The following RNF216 variants were observed in gnomAD, a reference collection of about 807,000 sequenced individuals.
The protein encoded by RNF216 is E3 ubiquitin-protein ligase RNF216.
In RNF216, 72 loss-of-function variants were observed where a neutral mutation model predicts 110.8. The observed-to-expected ratio is 0.65, with a 90% confidence interval of 0.54 to 0.79. The LOEUF is 0.79. RNF216 is among the 30% of genes least tolerant of loss of function. The pLI, the probability that RNF216 is intolerant of heterozygous loss-of-function variation, is 0.00. For missense variants in RNF216, 1,342 were observed against 1,141.2 expected, an observed-to-expected ratio of 1.18 and a Z score of -2.54; for synonymous variants, 495 against 407.5, an observed-to-expected ratio of 1.21 and a Z score of -2.59.
chr7:5,623,276 G>T, intron 16 of RNF216, 97 bp from the exon 17 acceptor site: 1 of 1,091,188 alleles, frequency 9.2e-7, no homozygotes. Flanking sequence ...CACGGGAGTG[G>T]CTCCACATGC....
intron 4 of RNF216, among the ~76,000 whole-genome samples, chr7:5,740,648 C>G (rs941508469): frequency 6.6e-6 from 1 of 151,992 alleles, no homozygotes; most frequent in African/African-American, 2.4e-5. Context: ...CTAGGTAATT[C>G]AATAAAACTG....
At chr7:5,754,942 C>T (rs549855696) in intron 2 of RNF216, among the ~76,000 whole-genome samples, 2 of 151,456 alleles carry the variant, frequency 1.3e-5, no homozygotes, top group South Asian at 2.1e-4. Flanking sequence ...GCAGGAGAAT[C>T]GCTTTAACCT....
intron 15 of RNF216, among the ~76,000 whole-genome samples, chr7:5,627,390 T>C (rs781641078): frequency 7.2e-5 from 11 of 152,120 alleles, no homozygotes; most frequent in Non-Finnish European, 1.2e-4. Flanking sequence ...ACGTCTCTGC[T>C]ATGAGCAACG....
chr7:5,687,878 G>C (rs544582336), intron 13 of RNF216, among the ~76,000 whole-genome samples: 2 of 152,168 alleles, frequency 1.3e-5, no homozygotes, highest in African/African-American at 4.8e-5. Context: ...CCATTTTACA[G>C]ATGAGGAAAC....
intron 2 of RNF216, among the ~76,000 whole-genome samples, chr7:5,754,782 C>T (rs1795530108): frequency 6.6e-6 from 1 of 152,092 alleles, no homozygotes; most frequent in Admixed American, 6.5e-5. Context: ...AATCCCAGAA[C>T]TTTGGGAGGC....
At chr7:5,769,911 C>G (rs1356434837) in intron 1 of RNF216, among the ~76,000 whole-genome samples, 2 of 41,530 alleles carry the variant, frequency 4.8e-5, no homozygotes, top group Non-Finnish European at 1.3e-4. Context: ...GTGGCGAGTG[C>G]TTGTAGCCAG....
chr7:5,648,657 G>A (rs1284106555), intron 14 of RNF216, among the ~76,000 whole-genome samples: 1 of 151,640 alleles, frequency 6.6e-6, no homozygotes, highest in African/African-American at 2.4e-5. Context: ...GAACCTGGGA[G>A]GCAGAGCTTG....
At chr7:5,689,362 T>TAAAA (rs72421808) in intron 13 of RNF216, among the ~76,000 whole-genome samples, 1 of 127,482 alleles carries the variant, frequency 7.8e-6, no homozygotes. Flanking sequence ...TTTGTAGTAT[T>TAAAA]AAAAAAAAAA....
chr7:5,748,159 C>T (rs1795137567), intron 3 of RNF216, among the ~76,000 whole-genome samples: 1 of 152,170 alleles, frequency 6.6e-6, no homozygotes, highest in Non-Finnish European at 1.5e-5. Flanking sequence ...GAGGACTGGC[C>T]TTACAAACAT....
intron 3 of RNF216, among the ~76,000 whole-genome samples, chr7:5,742,558 C>T (rs183029783): frequency 6.7e-4 from 100 of 148,948 alleles, no homozygotes; most frequent in African/African-American, 2.3e-3. Flanking sequence ...TTAGATAATA[C>T]CAAGCATTGG....
At chr7:5,667,669 G>C (rs1054421739) in intron 13 of RNF216, among the ~76,000 whole-genome samples, 3 of 152,176 alleles carry the variant, frequency 2.0e-5, no homozygotes, top group Non-Finnish European at 2.9e-5. Flanking sequence ...GGCTTCCCAG[G>C]GTTTTGCTGG....
chr7:5,640,510 G>A (rs1368895243), intron 15 of RNF216, among the ~76,000 whole-genome samples: 1 of 151,974 alleles, frequency 6.6e-6, no homozygotes, highest in African/African-American at 2.4e-5. Flanking sequence ...CTTTCTTTCC[G>A]ATCCCCAAAC....
chr7:5,677,862 A>C (rs1790403352), intron 13 of RNF216, among the ~76,000 whole-genome samples: 1 of 152,210 alleles, frequency 6.6e-6, no homozygotes, highest in Non-Finnish European at 1.5e-5. Flanking sequence ...CTGGAATGTA[A>C]GGGAGCTAGA....
In RNF216 at chr7:5,741,491, G is replaced by C. The variant is rs1470758427; in HGVS notation, c.526C>G (p.Gln176Glu). ...ANDIVNPRSE[Q>E]KVIILEEGSL... ...CCTTCTTCCAAGATGATGACTTTCT[G>C]CTCTGATCTGGGGTTGACAATGTCA... Residue 176 changes from glutamine (Q) to glutamate (E), a missense_variant, in exon 4 of 17, where the codon CAG becomes GAG. Coordinates refer to ENST00000389902, the MANE Select transcript of RNF216 (RefSeq NM_207111.4). The C allele has an allele frequency of 6.2e-7, 1 of 1,614,148 alleles. No individual in the cohort carries two copies. The highest frequency in any genetic ancestry group is 8.5e-7 in the Non-Finnish European group (1 of 1,180,032).
At chr7:5,634,846 C>G (rs1270281461) in intron 15 of RNF216, among the ~76,000 whole-genome samples, 1 of 152,180 alleles carries the variant, frequency 6.6e-6, no homozygotes. Flanking sequence ...TGGGAAAGCC[C>G]TCAGTGACAT....
intron 13 of RNF216, among the ~76,000 whole-genome samples, chr7:5,659,180 C>T (rs1245870817): frequency 1.3e-5 from 2 of 152,152 alleles, no homozygotes; most frequent in African/African-American, 4.8e-5. Flanking sequence ...GACCAGCTTA[C>T]TTATTCACTC....
chr7:5,677,844 G>T (rs1409487071), intron 13 of RNF216, among the ~76,000 whole-genome samples: 2 of 152,156 alleles, frequency 1.3e-5, no homozygotes, highest in African/African-American at 4.8e-5. Flanking sequence ...ATCAGGGGAA[G>T]GAGGATACTG....
intron 13 of RNF216, among the ~76,000 whole-genome samples, chr7:5,694,099 T>A (rs568803053): frequency 6.6e-6 from 1 of 152,304 alleles, no homozygotes; most frequent in Admixed American, 6.5e-5. Flanking sequence ...TTATACCACT[T>A]AGCTCTTTGA....
At chr7:5,693,046 T>C (rs141658543) in intron 13 of RNF216, among the ~76,000 whole-genome samples, 2 of 152,368 alleles carry the variant, frequency 1.3e-5, no homozygotes, top group African/African-American at 4.8e-5. Context: ...TTTCACTTAA[T>C]ATCTTGGAGA....
Sources: allele counts gnomAD v4.1 joint callset (sites outside exome capture counted in the v4.1 genomes callset), GRCh38; gene constraint gnomAD v4.1.1; transcripts MANE v1.5; gene names NCBI Gene and HGNC (gene_info 2026-07-23, HGNC 2026-07-21).